The following ZFYVE28 variants were observed in gnomAD, a reference collection of about 807,000 sequenced individuals.
The protein encoded by ZFYVE28 is lateral signaling target protein 2 homolog.
In ZFYVE28, 40 loss-of-function variants were observed where a neutral mutation model predicts 82.1. The observed-to-expected ratio is 0.49, with a 90% CI of 0.38 to 0.63. The LOEUF (loss-of-function observed/expected upper bound fraction) is 0.63. Ranked by LOEUF, ZFYVE28 falls within the 30% of genes least tolerant of loss-of-function variation. The pLI, the probability that ZFYVE28 is intolerant of heterozygous loss-of-function variation, is 0.00. For missense variants in ZFYVE28, 1,321 were observed against 1,242.1 expected (o/e 1.06, Z -0.96); for synonymous variants, 612 against 546.1 (o/e 1.12, Z -1.68).
At chr4:2,407,320 G>A (rs569560214) in intron 1 of ZFYVE28, among the ~76,000 whole-genome samples, 2 of 152,088 alleles carry the variant, frequency 1.3e-5, no homozygotes, top group Non-Finnish European at 2.9e-5. Context: ...TGCTCCCTGT[G>A]GCCCTAGAAA....
chr4:2,312,996 G>C lies in ZFYVE28; in HGVS notation c.803+7174C>G, dbSNP rs572678331. Among the ~76,000 whole-genome samples the C allele has an allele frequency of 2.0e-5, 3 of 151,768 alleles. No individual in the cohort carries two copies. The East Asian group carries it at 5.8e-4, about 29-fold the overall frequency. On this transcript the variant is annotated intron_variant, in intron 7 of 12. Transcript: ENST00000290974. ...GGAAGCGGAGGTTGCAGTGAGCCAA[G>C]ATCATGCGAACTGCACTCCAGCCTG...
At chr4:2,355,264 ATATAT>A (rs1725129776) in intron 1 of ZFYVE28, among the ~76,000 whole-genome samples, 1 of 14,432 alleles carries the variant, frequency 6.9e-5, no homozygotes, top group African/African-American at 3.3e-4. Context: ...ATATATATAT[ATATAT>A]ATAATGATTC....
At chr4:2,380,538 T>C (rs983438001) in intron 1 of ZFYVE28, among the ~76,000 whole-genome samples, 2 of 152,234 alleles carry the variant, frequency 1.3e-5, no homozygotes, top group Non-Finnish European at 2.9e-5. Context: ...GGATTTGTCA[T>C]TGGCATTGTC....
At chr4:2,345,495 A>G (rs1413287326) in intron 2 of ZFYVE28, among the ~76,000 whole-genome samples, 1 of 152,072 alleles carries the variant, frequency 6.6e-6, no homozygotes. Flanking sequence ...GTAAACTTGA[A>G]GACAGCAACT....
intron 2 of ZFYVE28, chr4:2,343,502 T>C (rs183558038): frequency 4.3e-4 from 66 of 152,342 alleles, no homozygotes; most frequent in African/African-American, 1.5e-3. Flanking sequence ...AAAAATAAAA[T>C]TCAACCAATA....
rs117669252 is a variant in ZFYVE28 at position 2,304,325 on chromosome 4, G to C, written c.2015C>G (p.Ser672Trp). The C allele has an allele frequency of 3.7e-6, 6 of 1,601,422 alleles. No individual in the cohort carries two copies. Among genetic ancestry groups the C allele is most frequent in the South Asian group, 1.1e-5 (1 of 90,732 alleles). ...EARELHAGSP[S>W]AHEAPQALSG... ...CAGGGCCTGAGGCGCCTCGTGAGCC[G>C]AGGGGCTCCCAGCATGCAGCTCTCT... Residue 672 changes from serine to tryptophan, a missense_variant, in exon 8 of 13, where the codon TCG becomes TGG. Ser to Trp is a radical substitution (Grantham distance 177, BLOSUM62 -3). Around this residue, in one of 2 missense-constraint regions of ZFYVE28, gnomAD observed 978 missense variants for 833.7 expected, o/e 1.17. Transcript: ENST00000290974.
At chr4:2,308,482 CA>C (rs1348840975) in intron 7 of ZFYVE28, among the ~76,000 whole-genome samples, 3 of 106,020 alleles carry the variant, frequency 2.8e-5, no homozygotes, top group Non-Finnish European at 5.1e-5. Context: ...ATTAGTTTAT[CA>C]ATTTCTACAA....
intron 1 of ZFYVE28, chr4:2,364,920 C>CG (rs980818348): frequency 9.1e-6 from 9 of 984,930 alleles, no homozygotes; most frequent in Non-Finnish European, 1.1e-5. Flanking sequence ...ACAGTGGAGG[C>CG]GGGGGCGGGG....
intron 8 of ZFYVE28, among the ~76,000 whole-genome samples, chr4:2,294,762 A>G (rs184159170): frequency 6.6e-6 from 1 of 152,338 alleles, no homozygotes; most frequent in East Asian, 1.9e-4. Context: ...CAAGTGAAAG[A>G]AACAGCAAAA....
chr4:2,328,531 A>C lies in ZFYVE28; in HGVS notation c.701+7174T>G, dbSNP rs1337479225. 4 of 152,168 alleles carry C rather than the reference A, an allele frequency of 2.6e-5. No homozygotes were observed. The East Asian group carries it at 7.7e-4, about 29-fold the overall frequency. 9.4% of individuals were successfully genotyped at this position (152,168 alleles called of 1,614,324 possible). A position where few individuals can be genotyped will look rare whatever the true frequency, so the allele number is the denominator to read the frequency against. ...ACATTTCCAAATTGTAAGAGAGTAA[A>C]TTTAAAATGATCTCATTCAAAAGAT... On this transcript the variant is annotated intron_variant, in intron 6 of 12. Coordinates refer to ENST00000290974, the MANE Select transcript of ZFYVE28 (RefSeq NM_020972.3).
chr4:2,304,390 T>C lies in ZFYVE28; in HGVS notation c.1950A>G (p.Gln650=), dbSNP rs757805433. ...GCTGACCTGCAACCCCAGCCTCTCC[T>C]TGCAGCCCACTCGCTGTGTCCACCT... ...GSQVDTASGL[Q]GEAGVAGQQE... Residue 650 remains glutamine, a synonymous_variant, in exon 8 of 13, where the codon CAA becomes CAG. Transcript: ENST00000290974. 17 of 1,612,766 alleles carry C rather than the reference T, an allele frequency of 1.1e-5. No individual in the cohort carries two copies. Among genetic ancestry groups the C allele is most frequent in the Non-Finnish European group, 1.4e-5 (17 of 1,180,012 alleles).
chr4:2,375,513 T>C (rs1167977047), intron 1 of ZFYVE28, among the ~76,000 whole-genome samples: 1 of 152,236 alleles, frequency 6.6e-6, no homozygotes, highest in Non-Finnish European at 1.5e-5. Flanking sequence ...TGCTGGCTCA[T>C]GCCCACTGAC....
At chr4:2,367,421 C>T (rs987245817) in intron 1 of ZFYVE28, among the ~76,000 whole-genome samples, 1 of 152,228 alleles carries the variant, frequency 6.6e-6, no homozygotes, top group African/African-American at 2.4e-5. Context: ...GAGGGCAGCT[C>T]AAGAAACTCT....
rs141390690 is a variant in ZFYVE28, at chr4:2,348,402, C to T, written c.180+5531G>A. On this transcript the variant is annotated intron_variant, in intron 2 of 12. Transcript: ENST00000290974. Reference sequence around the variant, plus strand: ...TTAAGAAGAACTAACACTACACAAACTCTTCCATAAAACTGAAGAGGACAG... The same window carrying T: ...TTAAGAAGAACTAACACTACACAAATTCTTCCATAAAACTGAAGAGGACAG... 3.6e-3 allele frequency among the ~76,000 whole-genome samples: 541 copies of T among 152,326 alleles called. 5 individuals are homozygous for T. The highest frequency in any genetic ancestry group is 0.013 in the African/African-American group (523 of 41,576).
intron 2 of ZFYVE28, among the ~76,000 whole-genome samples, chr4:2,344,444 C>T (rs73797764): frequency 0.027 from 4,142 of 152,320 alleles, 179 homozygotes; most frequent in African/African-American, 0.087. Flanking sequence ...AGACTAAACA[C>T]AGCTCTGGTC....
intron 3 of ZFYVE28, among the ~76,000 whole-genome samples, chr4:2,340,216 G>A (rs976604965): frequency 2.6e-5 from 4 of 152,158 alleles, no homozygotes; most frequent in African/African-American, 7.2e-5. Context: ...TCCCCGGAAC[G>A]CAGACTCATC....
chr4:2,388,030 G>A (rs1002923741), intron 1 of ZFYVE28, among the ~76,000 whole-genome samples: 1 of 152,236 alleles, frequency 6.6e-6, no homozygotes, highest in African/African-American at 2.4e-5. Flanking sequence ...CCTGTGACGG[G>A]CGGCTGGCCT....
chr4:2,354,843 T>C (rs1725002623), intron 1 of ZFYVE28, among the ~76,000 whole-genome samples: 1 of 152,096 alleles, frequency 6.6e-6, no homozygotes, highest in African/African-American at 2.4e-5. Flanking sequence ...TGAAGAATGA[T>C]TGACAGTGCA....
chr4:2,320,146 C>G lies in ZFYVE28; in HGVS notation c.803+24G>C, dbSNP rs201779005. ...GCCCTCCTGTCCCCCTCCCCTCCCC[C>G]ACCTCCTCTAGCTCCATCCCCACCT... On this transcript the variant is annotated intron_variant, in intron 7 of 12. Transcript: ENST00000290974. This position sits in a 1 kb window ranked among gnomAD's most constrained non-coding sequence, Gnocchi z 5.1. The G allele has an allele frequency of 8.6e-5, 137 of 1,589,312 alleles. No homozygotes were observed. In the Admixed American group the frequency reaches 2.2e-3, roughly 26 times the overall value.
Sources: allele counts gnomAD v4.1 joint callset (sites outside exome capture counted in the v4.1 genomes callset), GRCh38; gene constraint gnomAD v4.1.1; regional missense constraint gnomAD v4.1.1; non-coding constraint Gnocchi (gnomAD v3.1); transcripts MANE v1.5; gene names NCBI Gene and HGNC (gene_info 2026-07-23, HGNC 2026-07-21).